Variants in GOLGA8B observed in about 807,000 individuals in gnomAD.
The protein encoded by GOLGA8B is golgin A8 family member B, also known as golgin subfamily A member 8B.
A neutral mutation model predicts 15.6 loss-of-function variants in GOLGA8B; 1 was observed. The observed-to-expected ratio is 0.06, with a 90% CI of 0.02 to 0.30. The LOEUF is 0.30. GOLGA8B is among the 10% of genes least tolerant of loss of function. The pLI is 1.00. For synonymous variants in GOLGA8B, 9 were observed against 80.3 expected (o/e 0.11, Z 4.75); for missense variants, 17 against 201.3 (o/e 0.08, Z 5.54).
intron 1 of GOLGA8B, among the ~76,000 whole-genome samples, chr15:34,575,877 C>T (rs1889063039): frequency 6.6e-6 from 1 of 152,214 alleles, no homozygotes; most frequent in Non-Finnish European, 1.5e-5. Flanking sequence ...AAACTGGGAA[C>T]AAGAAAGCTG....
intron 1 of GOLGA8B, among the ~76,000 whole-genome samples, chr15:34,554,400 CCA>C (rs1159196448): frequency 1.1e-4 from 16 of 150,028 alleles, no homozygotes; most frequent in African/African-American, 3.2e-4. Flanking sequence ...CTCATACACA[CCA>C]CACACATACC....
Position 34,566,384 on chromosome 15 carries a change from T to A in GOLGA8B, c.-1122-12428A>T, listed in dbSNP as rs1305033631. 2.1e-5 allele frequency: 3 copies of A among 144,012 alleles called. 1 individual carries two copies. Among genetic ancestry groups the A allele is most frequent in the African/African-American group, 7.5e-5 (3 of 39,996 alleles). 8.9% of individuals were successfully genotyped at this position (144,012 alleles called of 1,614,324 possible). On this transcript the variant is annotated intron_variant, in intron 1 of 23. Coordinates refer to ENST00000683415, the MANE Select transcript of GOLGA8B (RefSeq NM_001023567.5). ...TTTTTAAAAACTAAGAAAATTAAGA[T>A]ATCCTTGATGTCAGACGCCAGGAGA...
intron 1 of GOLGA8B, among the ~76,000 whole-genome samples, chr15:34,572,588 G>C (rs1888952007): frequency 6.6e-6 from 1 of 152,202 alleles, no homozygotes; most frequent in Non-Finnish European, 1.5e-5. Flanking sequence ...GTATTTAAAA[G>C]ACAAGTAAAA....
In GOLGA8B at chr15:34,565,051, G is replaced by A. The variant is rs1459900532; in HGVS notation, c.-1122-11095C>T. ...GGGTGGCAGGGGCTACGGAGAAGGT[G>A]GTTGAGTTTAGCTCCAGTCCCCAAA... On this transcript the variant is annotated intron_variant, in intron 1 of 23. Coordinates refer to ENST00000683415, the MANE Select transcript of GOLGA8B (RefSeq NM_001023567.5). Among the ~76,000 whole-genome samples the A allele has an allele frequency of 1.4e-5, 2 of 143,944 alleles. 1 individual carries two copies. Among genetic ancestry groups the A allele is most frequent in the Non-Finnish European group, 3.2e-5 (2 of 62,650 alleles). The allele number at this position is 143,944 out of a possible 152,430, so 94.4% of individuals were successfully genotyped here. A position where few individuals can be genotyped will look rare whatever the true frequency, so the allele number is the denominator to read the frequency against.
At chr15:34,573,822 A>G (rs922948423) in intron 1 of GOLGA8B, among the ~76,000 whole-genome samples, 6 of 151,806 alleles carry the variant, frequency 4.0e-5, no homozygotes, top group Non-Finnish European at 1.5e-5. Flanking sequence ...TAGGACAACC[A>G]ACAGCTGTGG....
In GOLGA8B at chr15:34,525,883, G is replaced by T. The variant is rs1303118825; in HGVS notation, c.*1749C>A. 6.7e-6 allele frequency: 1 copy of T among 149,076 alleles called. No individual in the cohort carries two copies. The highest frequency in any genetic ancestry group is 2.0e-4 in the East Asian group (1 of 5,100). The allele number at this position is 149,076 out of a possible 1,614,324, so 9.2% of individuals were successfully genotyped here. The stretch of plus-strand genomic sequence containing the variant: ...GCTGCCAAGTGCTAAAAATGGAGAT[G>T]GTCTAGTAACTAGAAAACTCCCCAC... On this transcript the variant is annotated 3_prime_UTR_variant, in exon 24 of 24. Transcript: ENST00000683415.
At chr15:34,560,174 G>A (rs200051541) in intron 1 of GOLGA8B, among the ~76,000 whole-genome samples, 12,428 of 126,008 alleles carry the variant, frequency 0.099, 892 homozygotes, top group East Asian at 0.29. Flanking sequence ...TGCCTTGTGA[G>A]TGTCATTAAA....
intron 1 of GOLGA8B, among the ~76,000 whole-genome samples, chr15:34,579,067 A>AT (rs1889159595): frequency 1.3e-5 from 2 of 151,996 alleles, no homozygotes; most frequent in African/African-American, 4.8e-5. Flanking sequence ...GTGCCTCAAA[A>AT]CAACCACAGG....
intron 1 of GOLGA8B, among the ~76,000 whole-genome samples, chr15:34,565,135 C>CT (rs71119971): frequency 0.16 from 16,781 of 106,840 alleles, 2,345 homozygotes; most frequent in Admixed American, 0.26. Context: ...ATCCAGTTCT[C>CT]TTTTTTTTTT....
At chr15:34,576,668 G>C (rs1045775454) in intron 1 of GOLGA8B, among the ~76,000 whole-genome samples, 3 of 152,328 alleles carry the variant, frequency 2.0e-5, no homozygotes, top group African/African-American at 7.2e-5. Flanking sequence ...ATTCCCGAGA[G>C]AATCAACCAT....
intron 1 of GOLGA8B, among the ~76,000 whole-genome samples, chr15:34,554,337 CAT>C (rs1371824982): frequency 1.6e-4 from 25 of 152,258 alleles, no homozygotes; most frequent in African/African-American, 3.9e-4. Context: ...CTGCAGTGCA[CAT>C]GTGTGCATGT....
At chr15:34,554,329 G>A (rs1478786353) in intron 1 of GOLGA8B, among the ~76,000 whole-genome samples, 1 of 152,286 alleles carries the variant, frequency 6.6e-6, no homozygotes, top group Non-Finnish European at 1.5e-5. Context: ...CCTGTCACCT[G>A]CAGTGCACAT....
intron 1 of GOLGA8B, among the ~76,000 whole-genome samples, chr15:34,554,453 GCATA>G (rs1888438194): frequency 7.8e-6 from 1 of 128,036 alleles, no homozygotes; most frequent in African/African-American, 2.9e-5. Context: ...TACACACACT[GCATA>G]CATATCACAC....
At position 34,526,460 on chromosome 15, in the gene GOLGA8B, G is replaced by A. The variant is rs1218690198; in HGVS notation, c.*1172C>T. 1.3e-5 allele frequency: 2 copies of A among 148,742 alleles called. No homozygotes were observed. The highest frequency in any genetic ancestry group is 3.0e-5 in the Non-Finnish European group (2 of 67,104). 9.2% of individuals were successfully genotyped at this position (148,742 alleles called of 1,614,324 possible). ...GTGGTTGAAGAATAGGTATTAGCCAGAGAGGTCTAGATAGTAAAATCAAAC... is the reference window on the plus strand; with the variant it reads ...GTGGTTGAAGAATAGGTATTAGCCAAAGAGGTCTAGATAGTAAAATCAAAC... On this transcript the variant is annotated 3_prime_UTR_variant, in exon 24 of 24. Coordinates refer to ENST00000683415, the MANE Select transcript of GOLGA8B (RefSeq NM_001023567.5).
chr15:34,576,287 T>C (rs4999453), intron 1 of GOLGA8B, among the ~76,000 whole-genome samples: 1 of 152,168 alleles, frequency 6.6e-6, no homozygotes, highest in East Asian at 1.9e-4. Context: ...TCAACTGAAG[T>C]AGCACCAGTC....
In GOLGA8B at chr15:34,525,125, G is replaced by A. The variant is rs1358974610; in HGVS notation, c.*2507C>T. 3 of 148,970 alleles carry A rather than the reference G, an allele frequency of 2.0e-5. No homozygotes were observed. Among genetic ancestry groups the A allele is most frequent in the Admixed American group, 6.8e-5 (1 of 14,672 alleles). The allele number at this position is 148,970 out of a possible 1,614,324, so 9.2% of individuals were successfully genotyped here. A position where few individuals can be genotyped will look rare whatever the true frequency, so the allele number is the denominator to read the frequency against. On this transcript the variant is annotated 3_prime_UTR_variant, in exon 24 of 24. Coordinates refer to ENST00000683415, the MANE Select transcript of GOLGA8B (RefSeq NM_001023567.5). ...TAATCCCATACCTTTTTTATTTTGT[G>A]TTCTTTTAATAAACACTTGCATAGT...
At chr15:34,571,718 G>A (rs1888919452) in intron 1 of GOLGA8B, among the ~76,000 whole-genome samples, 1 of 151,946 alleles carries the variant, frequency 6.6e-6, no homozygotes, top group South Asian at 2.1e-4. Flanking sequence ...TCAAGTATTA[G>A]CAGAATATGC....
chr15:34,578,264 T>C (rs6495686), intron 1 of GOLGA8B, among the ~76,000 whole-genome samples: 55,461 of 152,012 alleles, frequency 0.36, 10,548 homozygotes, highest in Admixed American at 0.45. Flanking sequence ...CCAACCATGT[T>C]AGCCACCTTC....
chr15:34,573,112 G>GGCAA (rs1194671394), intron 1 of GOLGA8B, among the ~76,000 whole-genome samples: 1 of 152,178 alleles, frequency 6.6e-6, no homozygotes, highest in African/African-American at 2.4e-5. Context: ...AACTACAGAT[G>GGCAA]GCAGATCTAT....
Sources: gnomAD v4.1 joint callset for allele counts (sites outside exome capture counted in the v4.1 genomes callset) on GRCh38, gnomAD v4.1.1 for gene constraint, MANE v1.5 for transcripts, NCBI Gene and HGNC (gene_info 2026-07-23, HGNC 2026-07-21) for gene names.